The following SPON1 variants were observed in gnomAD, a reference collection of about 807,000 sequenced individuals.
SPON1 encodes the protein spondin 1.
Under a neutral mutation model 111.7 loss-of-function variants are expected in SPON1, and 52 were observed. The observed-to-expected ratio is 0.47, with a 90% confidence interval of 0.37 to 0.59. SPON1 has a LOEUF of 0.59. SPON1 is among the 20% of genes least tolerant of loss of function. The pLI, the probability that SPON1 is intolerant of heterozygous loss-of-function variation, is 0.00. For missense variants in SPON1, 957 were observed against 1,068.5 expected (o/e 0.90, Z 1.46); for synonymous variants, 410 against 395.8 (o/e 1.04, Z -0.43).
chr11:14,245,985 T>A (rs1004987886), intron 7 of SPON1, among the ~76,000 whole-genome samples: 3 of 152,258 alleles, frequency 2.0e-5, no homozygotes, highest in Non-Finnish European at 2.9e-5. Context: ...CAGGTCACCC[T>A]GAATCTCCTT....
intron 6 of SPON1, among the ~76,000 whole-genome samples, chr11:14,174,248 C>G (rs1554932851): frequency 6.6e-6 from 1 of 152,174 alleles, no homozygotes; most frequent in Non-Finnish European, 1.5e-5. Context: ...TGTAATCACC[C>G]CATCTCTCAT....
chr11:14,219,562 GA>G (rs1848658942), intron 6 of SPON1, among the ~76,000 whole-genome samples: 1 of 152,148 alleles, frequency 6.6e-6, no homozygotes, highest in African/African-American at 2.4e-5. Context: ...CTCTAAAGTT[GA>G]ATGTTTGTCA....
At chr11:14,156,678 G>A (rs1554930435) in intron 6 of SPON1, among the ~76,000 whole-genome samples, 1 of 152,142 alleles carries the variant, frequency 6.6e-6, no homozygotes, top group East Asian at 1.9e-4. Flanking sequence ...TGTCTAAGGT[G>A]TAAGGAAGGG....
At chr11:14,131,004 G>A (rs1847521737) in intron 5 of SPON1, among the ~76,000 whole-genome samples, 1 of 152,152 alleles carries the variant, frequency 6.6e-6, no homozygotes, top group South Asian at 2.1e-4. Context: ...AACCATATCA[G>A]CTTAATACAT....
At position 13,975,464 on chromosome 11, in the gene SPON1, T is replaced by G. The variant is rs144866294; in HGVS notation, c.239-7383T>G. 5.4e-3 allele frequency among the ~76,000 whole-genome samples: 829 copies of G among 152,320 alleles called. 26 individuals are homozygous for G. Among genetic ancestry groups the G allele is most frequent in the East Asian group, 5.0e-3 (26 of 5,182 alleles). ...AAAGTGGTATGCTAGATGCTAAAGA[T>G]GCAGTGGAGTTCAAGACAATTTGTT... is the stretch of plus-strand genomic sequence containing the variant. On this transcript the variant is annotated intron_variant, in intron 1 of 15. Transcript: ENST00000576479.
At chr11:14,134,438 T>C (rs1554927831) in intron 5 of SPON1, among the ~76,000 whole-genome samples, 1 of 152,228 alleles carries the variant, frequency 6.6e-6, no homozygotes, top group African/African-American at 2.4e-5. Context: ...TGTTTTCCCA[T>C]GCTGTTGTGT....
intron 5 of SPON1, among the ~76,000 whole-genome samples, chr11:14,130,172 G>T (rs1308768441): frequency 6.6e-6 from 1 of 152,220 alleles, no homozygotes; most frequent in East Asian, 1.9e-4. Context: ...GAGCAAGGAA[G>T]GAGCAAAACT....
intron 1 of SPON1, among the ~76,000 whole-genome samples, chr11:13,965,508 G>A (rs539889965): frequency 3.3e-5 from 5 of 152,314 alleles, no homozygotes; most frequent in African/African-American, 1.2e-4. Context: ...AGCAGGTGGG[G>A]AACTGGGACT....
chr11:14,231,194 C>T (rs1433011822), intron 6 of SPON1, among the ~76,000 whole-genome samples: 1 of 151,206 alleles, frequency 6.6e-6, no homozygotes, highest in African/African-American at 2.4e-5. Context: ...AGAGCAGTGG[C>T]ATGATCACAG....
chr11:14,131,102 A>G (rs1379309162), intron 5 of SPON1, among the ~76,000 whole-genome samples: 1 of 152,160 alleles, frequency 6.6e-6, no homozygotes, highest in African/African-American at 2.4e-5. Context: ...ATCGGCACTC[A>G]GCACCCACCA....
chr11:14,231,278 C>T lies in SPON1; in HGVS notation c.826-12054C>T, dbSNP rs546419107. On this transcript the variant is annotated intron_variant, in intron 6 of 15. Transcript: ENST00000576479. ...CCTCCGGAGTAGCTGGGACTACAGG[C>T]GCATGCCACCACGCCTGGCTAATTT... Among the ~76,000 whole-genome samples, 26 of 152,152 alleles carry T rather than the reference C, an allele frequency of 1.7e-4. 1 individual carries two copies. In the South Asian group the frequency reaches 3.3e-3, roughly 19 times the overall value.
intron 2 of SPON1, among the ~76,000 whole-genome samples, chr11:13,998,902 T>C (rs1848294771): frequency 6.6e-6 from 1 of 152,196 alleles, no homozygotes; most frequent in South Asian, 2.1e-4. Context: ...ATAACTTTTA[T>C]GCAAAAAAGA....
chr11:14,122,320 C>A (rs983341401), intron 5 of SPON1, among the ~76,000 whole-genome samples: 2 of 152,124 alleles, frequency 1.3e-5, no homozygotes, highest in African/African-American at 2.4e-5. Flanking sequence ...ACTACAGGCG[C>A]CCGCCACCAG....
At chr11:14,202,966 T>C (rs1429096131) in intron 6 of SPON1, among the ~76,000 whole-genome samples, 2 of 152,072 alleles carry the variant, frequency 1.3e-5, no homozygotes, top group Non-Finnish European at 2.9e-5. Context: ...ATAATCAACC[T>C]CAATCTACCA....
At chr11:13,981,997 G>A (rs1192851024) in intron 1 of SPON1, among the ~76,000 whole-genome samples, 1 of 152,144 alleles carries the variant, frequency 6.6e-6, no homozygotes, top group Non-Finnish European at 1.5e-5. Flanking sequence ...GCTTTCTGTG[G>A]TTTCAGTTAC....
intron 3 of SPON1, among the ~76,000 whole-genome samples, chr11:14,047,157 C>T (rs527765312): frequency 1.3e-5 from 2 of 151,784 alleles, no homozygotes; most frequent in African/African-American, 2.4e-5. Context: ...TATATATATA[C>T]CTTTTGTTTC....
chr11:14,112,968 A>C (rs4757226), intron 5 of SPON1, among the ~76,000 whole-genome samples: 48,804 of 152,100 alleles, frequency 0.32, 8,116 homozygotes, highest in East Asian at 0.55. Context: ...TGCTCATCCC[A>C]ATACCGATCT....
At chr11:14,130,928 T>C (rs1000543684) in intron 5 of SPON1, among the ~76,000 whole-genome samples, 2 of 152,142 alleles carry the variant, frequency 1.3e-5, no homozygotes, top group African/African-American at 4.8e-5. Flanking sequence ...TTTAACTAAA[T>C]TATGTAAGCA....
intron 6 of SPON1, among the ~76,000 whole-genome samples, chr11:14,158,139 G>A (rs1203366428): frequency 6.6e-6 from 1 of 152,106 alleles, no homozygotes; most frequent in Non-Finnish European, 1.5e-5. Context: ...TTGGAGTATG[G>A]AAAATCACCT....
Sources: gnomAD v4.1 joint callset for allele counts (sites outside exome capture counted in the v4.1 genomes callset) on GRCh38, gnomAD v4.1.1 for gene constraint, MANE v1.5 for transcripts, NCBI Gene and HGNC (gene_info 2026-07-23, HGNC 2026-07-21) for gene names.